The following NOS1AP variants were observed in gnomAD, a reference collection of about 807,000 sequenced individuals.
NOS1AP encodes the protein carboxyl-terminal PDZ ligand of neuronal nitric oxide synthase protein.
In NOS1AP, 21 loss-of-function variants were observed where a neutral mutation model predicts 56.2. The ratio of observed to expected loss-of-function variants is 0.37; its 90% CI spans 0.26 to 0.54. The LOEUF is 0.54. Among genes scored for constraint, NOS1AP ranks in the 20% least tolerant of loss-of-function variants. The probability of loss-of-function intolerance (pLI) is 0.84; values close to 1 mark genes in which losing one functional copy is unlikely to be tolerated. For missense variants in NOS1AP, 522 were observed against 657.8 expected, an observed-to-expected ratio of 0.79 and a Z score of 2.26; for synonymous variants, 270 against 274.6, an observed-to-expected ratio of 0.98 and a Z score of 0.17.
chr1:162,173,469 G>C (rs529279395), intron 2 of NOS1AP, among the ~76,000 whole-genome samples: 2 of 152,222 alleles, frequency 1.3e-5, no homozygotes, highest in African/African-American at 4.8e-5. Flanking sequence ...AAAAACCCTA[G>C]AAGAAAACCT....
chr1:162,350,704 A>G (rs1233924822), intron 6 of NOS1AP, among the ~76,000 whole-genome samples: 1 of 152,246 alleles, frequency 6.6e-6, no homozygotes, highest in Non-Finnish European at 1.5e-5. Flanking sequence ...CTTAGCAAAG[A>G]TTGTGAATAT....
At chr1:162,253,248 T>A (rs1162397332) in intron 2 of NOS1AP, among the ~76,000 whole-genome samples, 4 of 152,120 alleles carry the variant, frequency 2.6e-5, no homozygotes, top group African/African-American at 9.7e-5. Flanking sequence ...AGCAAGAAGG[T>A]CCTTGTCAGA....
intron 8 of NOS1AP, chr1:162,365,093 CGTGTGTGT>C: frequency 8.2e-7 from 1 of 1,224,236 alleles, no homozygotes; most frequent in African/African-American, 2.0e-5. Context: ...TGTGTGTGTA[CGTGTGTGT>C]GTGTGGCAGG....
intron 2 of NOS1AP, among the ~76,000 whole-genome samples, chr1:162,240,317 G>T (rs1254460598): frequency 3.3e-5 from 5 of 151,506 alleles, no homozygotes; most frequent in South Asian, 4.2e-4. Flanking sequence ...CACGTGGATT[G>T]GGATTCCTGC....
intron 5 of NOS1AP, among the ~76,000 whole-genome samples, chr1:162,339,230 C>A (rs937371256): frequency 4.6e-5 from 7 of 152,140 alleles, no homozygotes; most frequent in African/African-American, 1.7e-4. Flanking sequence ...ATCAAAGCAA[C>A]CATATCCAGC....
intron 2 of NOS1AP, among the ~76,000 whole-genome samples, chr1:162,201,472 T>C (rs1335400740): frequency 2.0e-5 from 3 of 152,224 alleles, no homozygotes; most frequent in Non-Finnish European, 2.9e-5. Flanking sequence ...TATCCACTAA[T>C]GAGATTGCTG....
In NOS1AP at chr1:162,105,617, C is replaced by A. The variant is rs543529838; in HGVS notation, c.105+35335C>A. On this transcript the variant is annotated intron_variant, in intron 1 of 9. Transcript: ENST00000361897. Reference sequence around the variant, plus strand: ...AACCCTTGCTGGAGTGGCTGAAGCCCCCACAAGGAGGTCTTGCCCAGTGAG... The same window carrying A: ...AACCCTTGCTGGAGTGGCTGAAGCCACCACAAGGAGGTCTTGCCCAGTGAG... 2.0e-5 allele frequency among the ~76,000 whole-genome samples: 3 copies of A among 152,304 alleles called. No individual in the cohort carries two copies. The East Asian group carries it at 5.8e-4, about 29-fold the overall frequency.
chr1:162,249,793 TG>T (rs1261925714), intron 2 of NOS1AP, among the ~76,000 whole-genome samples: 1 of 152,126 alleles, frequency 6.6e-6, no homozygotes, highest in East Asian at 1.9e-4. Flanking sequence ...TATGCATGAG[TG>T]TAAACATTCA....
intron 4 of NOS1AP, among the ~76,000 whole-genome samples, chr1:162,321,731 A>ATATATATATAT (rs1553205807): frequency 1.2e-4 from 15 of 128,484 alleles, no homozygotes; most frequent in African/African-American, 2.9e-4. Context: ...AAAAAAAAAA[A>ATATATATATAT]ATATATATAT....
chr1:162,333,133 G>C lies in NOS1AP; in HGVS notation c.453+8G>C, dbSNP rs1254106587. The C allele has an allele frequency of 7.5e-6, 12 of 1,589,422 alleles. No homozygotes were observed. The highest frequency in any genetic ancestry group is 1.0e-5 in the Non-Finnish European group (12 of 1,157,752). On this transcript the variant is annotated splice_region_variant and intron_variant, in intron 5 of 9. Coordinates refer to ENST00000361897, the MANE Select transcript of NOS1AP (RefSeq NM_014697.3). ...TTTAAATCCAAGAAGAAGGTAAAGA[G>C]GCGGTTGCCGTCCATCTGCTATTTT...
At chr1:162,231,741 T>C (rs1166730042) in intron 2 of NOS1AP, among the ~76,000 whole-genome samples, 1 of 152,128 alleles carries the variant, frequency 6.6e-6, no homozygotes, top group Non-Finnish European at 1.5e-5. Context: ...GACTTGGAGC[T>C]GAGAGATGAT....
intron 2 of NOS1AP, among the ~76,000 whole-genome samples, chr1:162,253,810 T>C (rs192082072): frequency 6.6e-6 from 1 of 152,350 alleles, no homozygotes; most frequent in East Asian, 1.9e-4. Context: ...TTTTTTTCTC[T>C]TATAAATGTT....
chr1:162,278,694 TGTGTGTGTG>T (rs1654824573), intron 2 of NOS1AP, among the ~76,000 whole-genome samples: 1 of 151,908 alleles, frequency 6.6e-6, no homozygotes, highest in Non-Finnish European at 1.5e-5. Flanking sequence ...TGTGTGTGTG[TGTGTGTGTG>T]TGTGTGTGTA....
chr1:162,070,740 A>T (rs1691642612), intron 1 of NOS1AP, among the ~76,000 whole-genome samples: 1 of 151,858 alleles, frequency 6.6e-6, no homozygotes, highest in African/African-American at 2.4e-5. Flanking sequence ...TGAAGAAAAG[A>T]ATCCAGATTT....
intron 6 of NOS1AP, 147 bp from the exon 7 acceptor site, chr1:162,355,040 C>A: frequency 1.2e-6 from 1 of 846,820 alleles, no homozygotes; most frequent in Non-Finnish European, 1.9e-6. Flanking sequence ...TGCACTTTAA[C>A]GTACTTGAGT....
chr1:162,362,338 C>T (rs527549097), intron 8 of NOS1AP, among the ~76,000 whole-genome samples: 1 of 151,770 alleles, frequency 6.6e-6, no homozygotes, highest in Admixed American at 6.6e-5. Context: ...GTAATTCCAG[C>T]TGTTTGGGAG....
At chr1:162,344,108 A>C in intron 6 of NOS1AP, 132 bp downstream of exon 6, 1 of 971,282 alleles carries the variant, frequency 1.0e-6, no homozygotes, top group South Asian at 1.4e-5. Context: ...TTCTCTCTAA[A>C]TTCTAGATTC....
intron 4 of NOS1AP, among the ~76,000 whole-genome samples, chr1:162,310,500 C>T (rs1023597126): frequency 6.6e-6 from 1 of 152,254 alleles, no homozygotes; most frequent in Non-Finnish European, 1.5e-5. Flanking sequence ...TATGAGTGTC[C>T]ATCACTCTAG....
rs182333077 is a variant in NOS1AP, at chr1:162,093,162, A to G, written c.105+22880A>G. ...CCTGGAATATTGCATGCTGCCTCTC[A>G]GTGCTGGTTCTGATAAAAATATCTC... is the stretch of plus-strand genomic sequence containing the variant. On this transcript the variant is annotated intron_variant, in intron 1 of 9. Coordinates refer to ENST00000361897, the MANE Select transcript of NOS1AP (RefSeq NM_014697.3). Among the ~76,000 whole-genome samples, 330 of 152,308 alleles carry G rather than the reference A, an allele frequency of 2.2e-3. 1 individual carries two copies. The highest frequency in any genetic ancestry group is 0.01 in the Middle Eastern group (3 of 294).
Sources: gnomAD v4.1 joint callset for allele counts (sites outside exome capture counted in the v4.1 genomes callset) on GRCh38, gnomAD v4.1.1 for gene constraint, MANE v1.5 for transcripts, NCBI Gene and HGNC (gene_info 2026-07-23, HGNC 2026-07-21) for gene names.